The following NIBAN1 variants were observed in gnomAD, a reference collection of about 807,000 sequenced individuals.
NIBAN1 encodes niban apoptosis regulator 1.
In NIBAN1, 81 loss-of-function variants were observed where a neutral mutation model predicts 75.1. The observed-to-expected ratio is 1.08, with a 90% CI of 0.90 to 1.30. The LOEUF is 1.30. NIBAN1 is among the 50% of genes most tolerant of loss of function. The probability of loss-of-function intolerance (pLI) is 0.00; values close to 1 mark genes in which losing one functional copy is unlikely to be tolerated. For missense variants in NIBAN1, 1,133 were observed against 1,128.1 expected, an observed-to-expected ratio of 1.00 and a Z score of -0.06; for synonymous variants, 436 against 424.8, an observed-to-expected ratio of 1.03 and a Z score of -0.32.
At chr1:184,864,860 A>G (rs1279238403) in intron 5 of NIBAN1, among the ~76,000 whole-genome samples, 1 of 151,798 alleles carries the variant, frequency 6.6e-6, no homozygotes, top group Non-Finnish European at 1.5e-5. Context: ...CCTAAAACTT[A>G]AAGTATAATA....
chr1:184,942,848 A>G (rs775515593), intron 1 of NIBAN1, among the ~76,000 whole-genome samples: 7 of 152,126 alleles, frequency 4.6e-5, no homozygotes, highest in Non-Finnish European at 8.8e-5. Context: ...AGCCAGCCCT[A>G]TGGTTTGTGA....
chr1:184,958,732 T>C lies in NIBAN1; in HGVS notation c.55+15570A>G, dbSNP rs1055532458. 5.9e-5 allele frequency among the ~76,000 whole-genome samples: 9 copies of C among 152,228 alleles called. No homozygotes were observed. The East Asian group carries it at 9.6e-4, about 16-fold the overall frequency. ...TTTTAGTTAGGAACTGATATCTCAC[T>C]TGACATGCTCAGGTCTTAGTCATGC... On this transcript the variant is annotated intron_variant, in intron 1 of 13. Coordinates refer to ENST00000367511, the MANE Select transcript of NIBAN1 (RefSeq NM_052966.4).
At chr1:184,827,494 C>A (rs1654872449) in intron 6 of NIBAN1, among the ~76,000 whole-genome samples, 1 of 150,808 alleles carries the variant, frequency 6.6e-6, no homozygotes, top group Admixed American at 6.6e-5. Flanking sequence ...TGAAGGAATT[C>A]CCTAGCCTCT....
At position 184,823,762 on chromosome 1, in the gene NIBAN1, C is replaced by T; in HGVS notation, c.718-20G>A. ...CAGGATCTGCGCAGCAGAAGACAGC[C>T]CAGAGTCGGTCAGTCGGTGATGGCT... On this transcript the variant is annotated intron_variant, in intron 6 of 13. Coordinates refer to ENST00000367511, the MANE Select transcript of NIBAN1 (RefSeq NM_052966.4). 6.2e-7 allele frequency: 1 copy of T among 1,610,908 alleles called. No homozygotes were observed. The highest frequency in any genetic ancestry group is 1.1e-5 in the South Asian group (1 of 90,974).
At chr1:184,888,891 G>GA (rs1293098034) in intron 4 of NIBAN1, among the ~76,000 whole-genome samples, 5 of 152,148 alleles carry the variant, frequency 3.3e-5, no homozygotes, top group African/African-American at 9.7e-5. Context: ...GTTTTAGCAT[G>GA]AATTACTTAG....
At chr1:184,819,783 G>T (rs1416687105) in intron 8 of NIBAN1, among the ~76,000 whole-genome samples, 1 of 152,066 alleles carries the variant, frequency 6.6e-6, no homozygotes, top group Non-Finnish European at 1.5e-5. Flanking sequence ...CTTTACAGAT[G>T]AAAAAAATGA....
At chr1:184,859,298 A>G (rs1213170660) in intron 5 of NIBAN1, among the ~76,000 whole-genome samples, 2 of 152,190 alleles carry the variant, frequency 1.3e-5, no homozygotes, top group Non-Finnish European at 2.9e-5. Context: ...ATTTGGCTCA[A>G]TCATTTGCTG....
At position 184,871,400 on chromosome 1, in the gene NIBAN1, C is replaced by T. The variant is rs971884720; in HGVS notation, c.601+13233G>A. On this transcript the variant is annotated intron_variant, in intron 5 of 13. Transcript: ENST00000367511. ...AGGAAAATGTGGACACAGACACATA[C>T]ATAGGGAAAATGTCATGGGAGGATG... Among the ~76,000 whole-genome samples, 6 of 124,622 alleles carry T rather than the reference C, an allele frequency of 4.8e-5. No individual in the cohort carries two copies. In the East Asian group the frequency reaches 1.2e-3, roughly 25 times the overall value. 81.8% of individuals were successfully genotyped at this position (124,622 alleles called of 152,430 possible). A position where few individuals can be genotyped will look rare whatever the true frequency, so the allele number is the denominator to read the frequency against.
At chr1:184,927,159 T>C (rs1019761367) in intron 1 of NIBAN1, among the ~76,000 whole-genome samples, 2 of 152,128 alleles carry the variant, frequency 1.3e-5, no homozygotes, top group East Asian at 3.8e-4. Flanking sequence ...GATTGGTCCC[T>C]GGTGTCTTAC....
At chr1:184,820,679 A>G (rs1654671901) in intron 8 of NIBAN1, among the ~76,000 whole-genome samples, 1 of 152,264 alleles carries the variant, frequency 6.6e-6, no homozygotes, top group African/African-American at 2.4e-5. Flanking sequence ...GAAGTGAAGG[A>G]AGGAGCTGAA....
chr1:184,930,997 C>CTTTTTTTTT lies in NIBAN1; in HGVS notation c.56-31697_56-31689dup, dbSNP rs200932673. 5.2e-5 allele frequency among the ~76,000 whole-genome samples: 6 copies of CTTTTTTTTT among 114,554 alleles called. 2 individuals are homozygous for CTTTTTTTTT. The highest frequency in any genetic ancestry group is 5.0e-5 in the Non-Finnish European group (3 of 60,466). The allele number at this position is 114,554 out of a possible 152,430, so 75.2% of individuals were successfully genotyped here. Reference sequence around the variant, plus strand: ...GTTTCTAAGTGCACTTTTTCTTCTTCTTTTTTTTTTTTTTTTTTTTGAGAC... The same window carrying CTTTTTTTTT: ...GTTTCTAAGTGCACTTTTTCTTCTTCTTTTTTTTTTTTTTTTTTTTTTTTTTTTTGAGAC... On this transcript the variant is annotated intron_variant, in intron 1 of 13. Transcript: ENST00000367511.
intron 1 of NIBAN1, among the ~76,000 whole-genome samples, chr1:184,961,659 A>T (rs1658653400): frequency 1.3e-5 from 2 of 152,238 alleles, no homozygotes; most frequent in Non-Finnish European, 1.5e-5. Context: ...AATGGCTCTA[A>T]CCCCAGTTCA....
At chr1:184,916,021 T>C (rs1429590844) in intron 1 of NIBAN1, among the ~76,000 whole-genome samples, 2 of 152,276 alleles carry the variant, frequency 1.3e-5, no homozygotes, top group African/African-American at 2.4e-5. Flanking sequence ...ATTCCCATTT[T>C]GCAGATGTGG....
rs182143879 is a variant in NIBAN1 at position 184,923,883 on chromosome 1, A to G, written c.56-24574T>C. 3.3e-5 allele frequency among the ~76,000 whole-genome samples: 5 copies of G among 151,712 alleles called. No homozygotes were observed. In the East Asian group the frequency reaches 9.7e-4, roughly 29 times the overall value. On this transcript the variant is annotated intron_variant, in intron 1 of 13. Transcript: ENST00000367511. The stretch of plus-strand genomic sequence containing the variant: ...TTTTCAGATTGTTCACTGCTGGCAT[A>G]TAGAAATGCTACTGATTTTTGTATA...
At chr1:184,888,629 A>G (rs2101974966) in intron 4 of NIBAN1, among the ~76,000 whole-genome samples, 1 of 152,328 alleles carries the variant, frequency 6.6e-6, no homozygotes, top group East Asian at 1.9e-4. Flanking sequence ...CCCCAATCTG[A>G]AGCCTTGGGC....
chr1:184,942,943 G>C (rs1408434279), intron 1 of NIBAN1, among the ~76,000 whole-genome samples: 1 of 152,156 alleles, frequency 6.6e-6, no homozygotes, highest in Non-Finnish European at 1.5e-5. Flanking sequence ...TCCAAGAAGA[G>C]GAAAAAGTAA....
At position 184,872,181 on chromosome 1, in the gene NIBAN1, A is replaced by T. The variant is rs545257598; in HGVS notation, c.601+12452T>A. 2.0e-5 allele frequency among the ~76,000 whole-genome samples: 3 copies of T among 152,340 alleles called. No individual in the cohort carries two copies. The East Asian group carries it at 5.8e-4, about 29-fold the overall frequency. ...GTTTGACATGTTTAAAAATATTTTT[A>T]AAAATTGGAAATATAAGTAAAAAGA... On this transcript the variant is annotated intron_variant, in intron 5 of 13. Coordinates refer to ENST00000367511, the MANE Select transcript of NIBAN1 (RefSeq NM_052966.4).
intron 5 of NIBAN1, among the ~76,000 whole-genome samples, chr1:184,859,841 T>C (rs894254097): frequency 3.9e-5 from 6 of 152,046 alleles, no homozygotes; most frequent in African/African-American, 1.4e-4. Flanking sequence ...ATGGGCAGCA[T>C]GGTGAGGATG....
At chr1:184,883,314 A>C (rs973890498) in intron 5 of NIBAN1, among the ~76,000 whole-genome samples, 2 of 152,202 alleles carry the variant, frequency 1.3e-5, no homozygotes, top group Non-Finnish European at 2.9e-5. Context: ...GATAACTTTC[A>C]AATGATAATT....
Sources: gnomAD v4.1 joint callset for allele counts (sites outside exome capture counted in the v4.1 genomes callset) on GRCh38, gnomAD v4.1.1 for gene constraint, MANE v1.5 for transcripts, NCBI Gene and HGNC (gene_info 2026-07-23, HGNC 2026-07-21) for gene names.